The following MPPED1 variants were observed in gnomAD, a reference collection of about 807,000 sequenced individuals.
The protein encoded by MPPED1 is metallophosphoesterase domain containing 1.
Under a neutral mutation model 36.2 loss-of-function variants are expected in MPPED1, and 16 were observed. That is an observed-to-expected ratio of 0.44 (90% CI 0.30 to 0.67). The LOEUF is 0.67. Ranked by LOEUF, MPPED1 falls within the 30% of genes least tolerant of loss-of-function variation. The probability of loss-of-function intolerance (pLI) is 0.10; values close to 1 mark genes in which losing one functional copy is unlikely to be tolerated. For missense variants in MPPED1, 307 were observed against 453.4 expected, an observed-to-expected ratio of 0.68 and a Z score of 2.93; for synonymous variants, 199 against 191.3, an observed-to-expected ratio of 1.04 and a Z score of -0.33.
chr22:43,412,315 G>T (rs1459885237), intron 1 of MPPED1, among the ~76,000 whole-genome samples, 157 bp downstream of exon 1: 13 of 151,630 alleles, frequency 8.6e-5, no homozygotes, highest in Non-Finnish European at 1.5e-5. Flanking sequence ...CGGGAAGCGG[G>T]CTGGGCACCC....
chr22:43,476,096 T>C (rs551904434), intron 4 of MPPED1, among the ~76,000 whole-genome samples: 1,784 of 151,382 alleles, frequency 0.012, 54 homozygotes, highest in African/African-American at 0.041. Context: ...ATGATGATGA[T>C]GGTGATGGCA....
intron 2 of MPPED1, among the ~76,000 whole-genome samples, chr22:43,432,186 CA>C (rs1248456933): frequency 6.9e-6 from 1 of 145,980 alleles, no homozygotes; most frequent in African/African-American, 2.5e-5. Context: ...ATGACATCTT[CA>C]AAACCTCAGA....
intron 3 of MPPED1, among the ~76,000 whole-genome samples, chr22:43,472,911 GT>G (rs1394476780): frequency 6.6e-6 from 1 of 152,164 alleles, no homozygotes; most frequent in African/African-American, 2.4e-5. Context: ...TATAGGACAT[GT>G]ACTGCTGTAA....
At chr22:43,447,883 A>ATATATATATATATATATATTT (rs1321289636) in intron 3 of MPPED1, among the ~76,000 whole-genome samples, 62 of 67,662 alleles carry the variant, frequency 9.2e-4, no homozygotes, top group African/African-American at 3.3e-3. Context: ...ATATATATAT[A>ATATATATATATATATATATTT]TTTTTTTTTT....
In MPPED1 at chr22:43,505,494, C is replaced by T; in HGVS notation, c.863-4C>T. ...GGCCTGATGGGCATGTGCTTACTTT[C>T]CAGGGTATGGTGTCATGGCAGATGG... On this transcript the variant is annotated splice_polypyrimidine_tract_variant and splice_region_variant and intron_variant, in intron 6 of 6. Coordinates refer to ENST00000443721, the MANE Select transcript of MPPED1 (RefSeq NM_001044370.2). The T allele has an allele frequency of 6.2e-7, 1 of 1,603,250 alleles. No individual in the cohort carries two copies.
chr22:43,457,956 A>G (rs1251514589), intron 3 of MPPED1, among the ~76,000 whole-genome samples: 1 of 152,214 alleles, frequency 6.6e-6, no homozygotes, highest in Non-Finnish European at 1.5e-5. Context: ...TAAGATTATA[A>G]CACTGTAATT....
At chr22:43,477,594 G>A (rs1931616545) in intron 4 of MPPED1, among the ~76,000 whole-genome samples, 1 of 152,190 alleles carries the variant, frequency 6.6e-6, no homozygotes, top group African/African-American at 2.4e-5. Context: ...GGCAGATTTA[G>A]GACCTGGTCT....
chr22:43,482,832 G>T (rs77257612), intron 4 of MPPED1, among the ~76,000 whole-genome samples: 1 of 152,236 alleles, frequency 6.6e-6, no homozygotes. Context: ...TTTGACGTCC[G>T]TTCCTTCCCT....
intron 6 of MPPED1, among the ~76,000 whole-genome samples, chr22:43,505,241 G>A (rs868645455): frequency 9.9e-5 from 15 of 152,208 alleles, no homozygotes; most frequent in South Asian, 8.3e-4. Context: ...GACTCACTGC[G>A]TGCTTCTTAT....
At position 43,493,090 on chromosome 22, in the gene MPPED1, C is replaced by A. The variant is rs145085146; in HGVS notation, c.633-5145C>A. On this transcript the variant is annotated intron_variant, in intron 4 of 6. Transcript: ENST00000443721. ...CAAATAACCAGTGTGGCCACCCATCCTCCTCTGTCACAAGCCCTGTGTCCC... is the reference window on the plus strand; with the variant it reads ...CAAATAACCAGTGTGGCCACCCATCATCCTCTGTCACAAGCCCTGTGTCCC... Among the ~76,000 whole-genome samples the A allele has an allele frequency of 9.6e-4, 146 of 152,322 alleles. 1 individual carries two copies. Among genetic ancestry groups the A allele is most frequent in the African/African-American group, 3.2e-3 (134 of 41,576 alleles).
intron 1 of MPPED1, among the ~76,000 whole-genome samples, chr22:43,412,387 C>A (rs1217734320): frequency 6.6e-6 from 1 of 151,968 alleles, no homozygotes; most frequent in Non-Finnish European, 1.5e-5. Flanking sequence ...CGCGGGACTC[C>A]GGCTGGGGCC....
At chr22:43,421,026 A>G (rs1929254464) in intron 1 of MPPED1, among the ~76,000 whole-genome samples, 1 of 152,220 alleles carries the variant, frequency 6.6e-6, no homozygotes, top group South Asian at 2.1e-4. Context: ...ATCAGGATGC[A>G]TGACTTGCTT....
chr22:43,495,525 T>A (rs1602016110), intron 4 of MPPED1, among the ~76,000 whole-genome samples: 1 of 101,792 alleles, frequency 9.8e-6, no homozygotes, highest in Non-Finnish European at 2.1e-5. Flanking sequence ...GTGGTGGAGG[T>A]GGTGGTGGTG....
Position 43,415,778 on chromosome 22 carries a change from C to T in MPPED1, c.-79+3620C>T, listed in dbSNP as rs545507117. On this transcript the variant is annotated intron_variant, in intron 1 of 6. Coordinates refer to ENST00000443721, the MANE Select transcript of MPPED1 (RefSeq NM_001044370.2). Reference sequence around the variant, plus strand: ...CTCCTCTTTCCACCACCCCAATCTACACCTGAAAGTTTGTTTCTATAAAAT... The same window carrying T: ...CTCCTCTTTCCACCACCCCAATCTATACCTGAAAGTTTGTTTCTATAAAAT... 2.6e-5 allele frequency among the ~76,000 whole-genome samples: 4 copies of T among 152,340 alleles called. No individual in the cohort carries two copies. In the Middle Eastern group the frequency reaches 0.014, roughly 518 times the overall value.
intron 4 of MPPED1, among the ~76,000 whole-genome samples, chr22:43,482,063 G>A (rs933434722): frequency 4.6e-5 from 7 of 152,148 alleles, no homozygotes; most frequent in Admixed American, 2.6e-4. Context: ...GCAGCTTAGC[G>A]GAAGGGGGCG....
intron 2 of MPPED1, among the ~76,000 whole-genome samples, chr22:43,432,482 A>C (rs1399390956): frequency 9.1e-6 from 1 of 110,150 alleles, no homozygotes; most frequent in Non-Finnish European, 1.9e-5. Flanking sequence ...AGAGAAAGGG[A>C]GGAGAGAAAG....
intron 3 of MPPED1, among the ~76,000 whole-genome samples, chr22:43,453,512 T>A (rs1383237991): frequency 1.3e-5 from 2 of 152,128 alleles, no homozygotes; most frequent in African/African-American, 4.8e-5. Flanking sequence ...GTCCTGCGGC[T>A]TCGTTGTGGG....
At chr22:43,414,066 A>G (rs5759328) in intron 1 of MPPED1, among the ~76,000 whole-genome samples, 133,909 of 152,222 alleles carry the variant, frequency 0.88, 58,989 homozygotes, top group Middle Eastern at 0.97. Flanking sequence ...CTATGCCTGT[A>G]GACAGATAGG....
At chr22:43,495,901 GGTGGTGGTGGAGGTA>G (rs1932310474) in intron 4 of MPPED1, among the ~76,000 whole-genome samples, 1 of 136,214 alleles carries the variant, frequency 7.3e-6, no homozygotes, top group African/African-American at 2.7e-5. Context: ...TGGTGGAGAT[GGTGGTGGTGGAGGTA>G]GTGGTGGTGG....
Sources: gnomAD v4.1 joint callset for allele counts (sites outside exome capture counted in the v4.1 genomes callset) on GRCh38, gnomAD v4.1.1 for gene constraint, MANE v1.5 for transcripts, NCBI Gene and HGNC (gene_info 2026-07-23, HGNC 2026-07-21) for gene names.